TBC1D19: variants seen among roughly 807,000 people sequenced by gnomAD.
TBC1D19 encodes the protein TBC1 domain family member 19.
TBC1D19 carries 60 observed loss-of-function variants against 89.0 expected under a neutral mutation model. The ratio of observed to expected loss-of-function variants is 0.67; its 90% CI spans 0.55 to 0.84. TBC1D19 has a LOEUF of 0.84. Ranked by LOEUF, TBC1D19 falls within the 40% of genes least tolerant of loss-of-function variation. The probability of loss-of-function intolerance (pLI) is 0.00; values close to 1 mark genes in which losing one functional copy is unlikely to be tolerated. For missense variants in TBC1D19, 500 were observed against 610.8 expected (o/e 0.82, Z 1.91); for synonymous variants, 189 against 199.7 (o/e 0.95, Z 0.45).
chr4:26,741,562 ATCTC>A (rs888487881), intron 17 of TBC1D19, among the ~76,000 whole-genome samples: 1 of 150,606 alleles, frequency 6.6e-6, no homozygotes, highest in African/African-American at 2.4e-5. Flanking sequence ...TTTCTTGTCT[ATCTC>A]TATGCTGGTG....
At chr4:26,685,020 C>G (rs1464487176) in intron 12 of TBC1D19, among the ~76,000 whole-genome samples, 1 of 152,036 alleles carries the variant, frequency 6.6e-6, no homozygotes, top group African/African-American at 2.4e-5. Flanking sequence ...TGGGGTAGAC[C>G]CACTCAAAAT....
intron 20 of TBC1D19, among the ~76,000 whole-genome samples, chr4:26,754,451 T>C (rs1341172601): frequency 2.6e-5 from 4 of 152,204 alleles, no homozygotes; most frequent in Admixed American, 6.5e-5. Context: ...TGCCTGCATT[T>C]TTGTTTAAAG....
In TBC1D19 at chr4:26,740,894, C is replaced by A. The variant is rs564181853; in HGVS notation, c.1227+921C>A. 4 of 985,324 alleles carry A rather than the reference C, an allele frequency of 4.1e-6. No homozygotes were observed. In the Admixed American group the frequency reaches 1.8e-4, roughly 45 times the overall value. 61.0% of individuals were successfully genotyped at this position (985,324 alleles called of 1,614,324 possible). On this transcript the variant is annotated intron_variant, in intron 17 of 20. Transcript: ENST00000264866. ...CATCTCCAGTTTTGCTTTCATACAT[C>A]GCTAGTGAAAGTTGGCAAATCACAG... is the stretch of plus-strand genomic sequence containing the variant.
chr4:26,624,905 G>A (rs1742296045), intron 4 of TBC1D19, among the ~76,000 whole-genome samples: 1 of 152,110 alleles, frequency 6.6e-6, no homozygotes, highest in Non-Finnish European at 1.5e-5. Flanking sequence ...CACGCACTGG[G>A]AAGGAGTAGT....
chr4:26,729,088 T>G lies in TBC1D19; in HGVS notation c.1085-6367T>G, dbSNP rs1405715215. On this transcript the variant is annotated intron_variant, in intron 15 of 20. Transcript: ENST00000264866. ...GTACTGTTTTCTTCAAGTCTCACAA[T>G]TTTTTTCGCATTTCCTCTAGACTTA... 2.0e-5 allele frequency among the ~76,000 whole-genome samples: 3 copies of G among 152,224 alleles called. No individual in the cohort carries two copies. The East Asian group carries it at 5.8e-4, about 29-fold the overall frequency.
chr4:26,673,988 T>C (rs1196504418), intron 11 of TBC1D19, 100 bp downstream of exon 11: 6 of 607,668 alleles, frequency 9.9e-6, no homozygotes, highest in Non-Finnish European at 1.7e-5. Flanking sequence ...TCTTAATCTA[T>C]TATTAACCCC....
chr4:26,706,813 A>G (rs948491423), intron 13 of TBC1D19, among the ~76,000 whole-genome samples: 6 of 151,278 alleles, frequency 4.0e-5, no homozygotes, highest in Admixed American at 3.9e-4. Context: ...TGTGTTGTTT[A>G]ATTTCCATAG....
At chr4:26,712,733 A>G (rs1275449438) in intron 13 of TBC1D19, among the ~76,000 whole-genome samples, 1 of 152,060 alleles carries the variant, frequency 6.6e-6, no homozygotes, top group Non-Finnish European at 1.5e-5. Context: ...GCTTCAACTC[A>G]TGGCACAAAA....
intron 13 of TBC1D19, among the ~76,000 whole-genome samples, chr4:26,700,282 A>G (rs1454542157): frequency 6.6e-6 from 1 of 152,174 alleles, no homozygotes; most frequent in East Asian, 1.9e-4. Flanking sequence ...ACAAACTGAA[A>G]GTAGGATAAC....
intron 14 of TBC1D19, among the ~76,000 whole-genome samples, 182 bp downstream of exon 14, chr4:26,718,199 C>T (rs565081046): frequency 2.5e-4 from 38 of 152,146 alleles, no homozygotes; most frequent in African/African-American, 8.7e-4. Flanking sequence ...TCACAAATCA[C>T]GGGAAAGTGG....
At chr4:26,738,348 A>G (rs942567393) in intron 16 of TBC1D19, among the ~76,000 whole-genome samples, 2 of 151,578 alleles carry the variant, frequency 1.3e-5, no homozygotes, top group African/African-American at 4.8e-5. Flanking sequence ...TCACATATCA[A>G]TATCTAAGAA....
intron 7 of TBC1D19, among the ~76,000 whole-genome samples, chr4:26,655,616 T>G (rs1239128790): frequency 6.6e-6 from 1 of 152,192 alleles, no homozygotes; most frequent in African/African-American, 2.4e-5. Context: ...CAGTTTGATC[T>G]CAGACTGCTG....
chr4:26,805,776 A>C, the TBC1D19 span, among the ~76,000 whole-genome samples: 1 of 152,150 alleles, frequency 6.6e-6, no homozygotes, highest in Non-Finnish European at 1.5e-5. Context: ...TGGGTGGATC[A>C]TCTGAAGTCA....
intron 4 of TBC1D19, among the ~76,000 whole-genome samples, chr4:26,621,034 T>C (rs1742016661): frequency 1.3e-5 from 2 of 152,194 alleles, no homozygotes; most frequent in South Asian, 4.1e-4. Flanking sequence ...ACACCCTCTT[T>C]CCTTAAAATT....
intron 19 of TBC1D19, among the ~76,000 whole-genome samples, chr4:26,748,936 G>A (rs911669937): frequency 4.6e-5 from 7 of 152,130 alleles, no homozygotes; most frequent in African/African-American, 1.7e-4. Context: ...TCCAAACTGA[G>A]GCTAAGCCTC....
At position 26,755,500 on chromosome 4, in the gene TBC1D19, T is replaced by C. The variant is rs1396063272; in HGVS notation, c.*553T>C. The C allele has an allele frequency of 6.6e-6, 1 of 152,220 alleles. No individual in the cohort carries two copies. The highest frequency in any genetic ancestry group is 1.5e-5 in the Non-Finnish European group (1 of 68,030). The allele number at this position is 152,220 out of a possible 1,614,324, so 9.4% of individuals were successfully genotyped here. A position where few individuals can be genotyped will look rare whatever the true frequency, so the allele number is the denominator to read the frequency against. On this transcript the variant is annotated 3_prime_UTR_variant, in exon 21 of 21. Coordinates refer to ENST00000264866, the MANE Select transcript of TBC1D19 (RefSeq NM_018317.4). ...AACTTTTTACACCCCAGGGATTTTC[T>C]ACATTTCTCTCCATTTTATTTCTCT...
chr4:26,777,446 T>C, the TBC1D19 span, among the ~76,000 whole-genome samples: 1 of 151,302 alleles, frequency 6.6e-6, no homozygotes, highest in Non-Finnish European at 1.5e-5. Flanking sequence ...GTTTGTTTGG[T>C]TTTGTTTGTT....
intron 10 of TBC1D19, among the ~76,000 whole-genome samples, chr4:26,673,446 T>TATATATGTACACACACACAC: frequency 1.1e-5 from 1 of 90,872 alleles, no homozygotes; most frequent in Non-Finnish European, 2.1e-5. Context: ...TATATATATA[T>TATATATGTACACACACACAC]ACACACACAC....
At chr4:26,613,279 G>A in intron 2 of TBC1D19, 38 bp downstream of exon 2, 1 of 1,294,660 alleles carries the variant, frequency 7.7e-7, no homozygotes, top group Non-Finnish European at 1.1e-6. Context: ...GGCAAAATAA[G>A]AAAATGTTTT....
Sources: gnomAD v4.1 joint callset for allele counts (sites outside exome capture counted in the v4.1 genomes callset) on GRCh38, gnomAD v4.1.1 for gene constraint, MANE v1.5 for transcripts, NCBI Gene and HGNC (gene_info 2026-07-23, HGNC 2026-07-21) for gene names.